The following CCDC106 variants were observed in gnomAD, a reference collection of about 807,000 sequenced individuals.
CCDC106 encodes the protein coiled-coil domain-containing protein 106.
Under a neutral mutation model 24.7 loss-of-function variants are expected in CCDC106, and 17 were observed. The observed-to-expected ratio is 0.69, with a 90% CI of 0.47 to 1.03. The LOEUF is 1.03. CCDC106 is among the 50% of genes least tolerant of loss of function. The pLI is 0.00. For missense variants in CCDC106, 337 were observed against 388.9 expected, an observed-to-expected ratio of 0.87 and a Z score of 1.12; for synonymous variants, 211 against 161.3, an observed-to-expected ratio of 1.31 and a Z score of -2.34.
At chr19:55,647,967 CT>C (rs928738005), upstream of CCDC106, 5 of 152,228 alleles carry the variant, frequency 3.3e-5, no homozygotes, top group African/African-American at 4.8e-5. Flanking sequence ...CCTGCCTGAG[CT>C]TCGGGGAGGG....
At position 55,648,782 on chromosome 19, in the gene CCDC106, T is replaced by G; in HGVS notation, c.-265T>G. On this transcript the variant is annotated 5_prime_UTR_variant, in exon 1 of 5. Transcript: ENST00000586790. ...GGAGCCCACGTCCCCAGCTCACTTC[T>G]CCCCCAGGACCTAGGCGGCTGGGCC... The G allele has an allele frequency of 1.8e-6, 1 of 560,646 alleles. No individual in the cohort carries two copies. Among genetic ancestry groups the G allele is most frequent in the Non-Finnish European group, 3.2e-6 (1 of 314,602 alleles). 34.7% of individuals were successfully genotyped at this position (560,646 alleles called of 1,614,324 possible).
intron 3 of CCDC106, 124 bp from the exon 4 acceptor site, chr19:55,651,159 T>A (rs1983233220): frequency 2.7e-6 from 2 of 754,126 alleles, no homozygotes; most frequent in African/African-American, 3.4e-5. Flanking sequence ...CTTGTCTCTC[T>A]GTCTCTTTAG....
rs1483048255 is a variant in CCDC106, at chr19:55,648,577, G to T, written c.-470G>T. 4 of 175,454 alleles carry T rather than the reference G, an allele frequency of 2.3e-5. No homozygotes were observed. The highest frequency in any genetic ancestry group is 2.2e-4 in the Admixed American group (4 of 18,032). The allele number at this position is 175,454 out of a possible 1,614,324, so 10.9% of individuals were successfully genotyped here. On this transcript the variant is annotated 5_prime_UTR_variant, in exon 1 of 5. Coordinates refer to ENST00000586790, the MANE Select transcript of CCDC106 (RefSeq NM_001370470.1). ...TAGAGGAGGCAGCGCGCACGGGCTG[G>T]ACCTCCTCCTACCCTGGGAAGTTGG...
rs1424783531 is a variant in CCDC106 at position 55,652,438 on chromosome 19, G to A, written c.535G>A (p.Ala179Thr). The change falls in exon 5 of 5, where the codon GCC (alanine) becomes ACC (threonine). Residue 179 changes from alanine (A) to threonine (T), a missense_variant. Coordinates refer to ENST00000586790, the MANE Select transcript of CCDC106 (RefSeq NM_001370470.1). This position sits in a 1 kb window ranked among gnomAD's most constrained non-coding sequence, Gnocchi z 5.9. ...KARERQRVKD[A>T]DGVLCRYKKI... Reference sequence around the variant, plus strand: ...CCGCCTCCACCCCTCAGTGAAGGACGCCGACGGGGTCCTCTGCCGGTACAA... The same window carrying A: ...CCGCCTCCACCCCTCAGTGAAGGACACCGACGGGGTCCTCTGCCGGTACAA... 5.0e-6 allele frequency: 8 copies of A among 1,594,746 alleles called. No individual in the cohort carries two copies. The East Asian group carries it at 1.6e-4, about 32-fold the overall frequency.
At position 55,653,050 on chromosome 19, in the gene CCDC106, C is replaced by G; in HGVS notation, c.*304C>G. On this transcript the variant is annotated 3_prime_UTR_variant, in exon 5 of 5. Coordinates refer to ENST00000586790, the MANE Select transcript of CCDC106 (RefSeq NM_001370470.1). ...GTACAGACCCCGTCTCCGCCCTGGC[C>G]CCGCGGAGGAGCTGCCCACCTGATT... is the stretch of plus-strand genomic sequence containing the variant. 1 of 333,592 alleles carries G rather than the reference C, an allele frequency of 3.0e-6. No individual in the cohort carries two copies. The allele number at this position is 333,592 out of a possible 1,614,324, so 20.7% of individuals were successfully genotyped here.
At chr19:55,649,748 C>T in intron 3 of CCDC106, 164 bp downstream of exon 3, 1 of 634,958 alleles carries the variant, frequency 1.6e-6, no homozygotes, top group East Asian at 2.7e-5. Context: ...CAGCTGCCTC[C>T]TCACTTGATT....
intron 3 of CCDC106, 93 bp from the exon 4 acceptor site, chr19:55,651,190 G>A: frequency 1.0e-6 from 1 of 970,852 alleles, no homozygotes; most frequent in East Asian, 2.4e-5. Context: ...CAGGTTGGGG[G>A]ATCCAGTTCG....
chr19:55,647,672 T>G (rs1411447207), upstream of CCDC106, among the ~76,000 whole-genome samples: 1 of 151,968 alleles, frequency 6.6e-6, no homozygotes, highest in Non-Finnish European at 1.5e-5. Flanking sequence ...GGGATGGGGG[T>G]GGCGTGTTCC....
chr19:55,649,167 G>A (rs1429164164), intron 1 of CCDC106, 38 bp from the exon 2 acceptor site: 1 of 1,610,158 alleles, frequency 6.2e-7, no homozygotes, highest in African/African-American at 1.3e-5. Context: ...AGAGGCCCGG[G>A]GAATTCTCTG....
At position 55,652,318 on chromosome 19, in the gene CCDC106, G is replaced by T. The variant is rs955678204; in HGVS notation, c.527-112G>T. ...TCTCCGTCTCCACCTGCACCGGCCC[G>T]TGCCTCTGCTCGCCGAGATCCTTTC... On this transcript the variant is annotated intron_variant, in intron 4 of 4. Transcript: ENST00000586790. The surrounding 1 kb of genome is among the most constrained non-coding windows in gnomAD (Gnocchi z 5.9). The T allele has an allele frequency of 7.8e-6, 7 of 895,218 alleles. No individual in the cohort carries two copies. The African/African-American group carries it at 1.0e-4, about 13-fold the overall frequency. The allele number at this position is 895,218 out of a possible 1,614,324, so 55.5% of individuals were successfully genotyped here.
At position 55,648,745 on chromosome 19, in the gene CCDC106, C is replaced by T; in HGVS notation, c.-302C>T. ...AATTTAGGGCTTCAGCTTCCTTTTCCTTCGATACCCAGGAGCCCACGTCCC... is the reference window on the plus strand; with the variant it reads ...AATTTAGGGCTTCAGCTTCCTTTTCTTTCGATACCCAGGAGCCCACGTCCC... On this transcript the variant is annotated 5_prime_UTR_variant, in exon 1 of 5. Transcript: ENST00000586790. The T allele has an allele frequency of 2.0e-6, 1 of 502,348 alleles. No individual in the cohort carries two copies. The allele number at this position is 502,348 out of a possible 1,614,324, so 31.1% of individuals were successfully genotyped here.
chr19:55,652,845 C>G lies in CCDC106; in HGVS notation c.*99C>G, dbSNP rs980491517. The G allele has an allele frequency of 9.3e-7, 1 of 1,074,718 alleles. No individual in the cohort carries two copies. The allele number at this position is 1,074,718 out of a possible 1,614,324, so 66.6% of individuals were successfully genotyped here. ...CCGCCGCGCCCCTGCCCCTCCTCCTCGCTCCCTGGGTTGGGGGCTCCCTTA... is the reference window on the plus strand; with the variant it reads ...CCGCCGCGCCCCTGCCCCTCCTCCTGGCTCCCTGGGTTGGGGGCTCCCTTA... On this transcript the variant is annotated 3_prime_UTR_variant, in exon 5 of 5. Transcript: ENST00000586790. This position sits in a 1 kb window ranked among gnomAD's most constrained non-coding sequence, Gnocchi z 5.9.
At position 55,651,277 on chromosome 19, in the gene CCDC106, C is replaced by T; in HGVS notation, c.314-6C>T. 1 of 1,606,700 alleles carries T rather than the reference C, an allele frequency of 6.2e-7. No homozygotes were observed. On this transcript the variant is annotated splice_region_variant and splice_polypyrimidine_tract_variant and intron_variant, in intron 3 of 4. Coordinates refer to ENST00000586790, the MANE Select transcript of CCDC106 (RefSeq NM_001370470.1). ...TTGGTTCATGTGTGTGTCTCCATCT[C>T]CCCAGAGGACCACTGCCGGATGAAG...
chr19:55,653,052 C>G lies in CCDC106; in HGVS notation c.*306C>G, dbSNP rs971843693. ...ACAGACCCCGTCTCCGCCCTGGCCC[C>G]GCGGAGGAGCTGCCCACCTGATTCC... is the stretch of plus-strand genomic sequence containing the variant. On this transcript the variant is annotated 3_prime_UTR_variant, in exon 5 of 5. Coordinates refer to ENST00000586790, the MANE Select transcript of CCDC106 (RefSeq NM_001370470.1). 6.2e-6 allele frequency: 2 copies of G among 323,342 alleles called. 1 individual carries two copies. The highest frequency in any genetic ancestry group is 1.1e-4 in the South Asian group (2 of 18,018). The allele number at this position is 323,342 out of a possible 1,614,324, so 20.0% of individuals were successfully genotyped here. A position where few individuals can be genotyped will look rare whatever the true frequency, so the allele number is the denominator to read the frequency against.
chr19:55,652,537 AC>A lies in CCDC106; in HGVS notation c.636del (p.Val213TrpfsTer3). On this transcript the variant is annotated frameshift_variant, in exon 5 of 5. Transcript: ENST00000586790. LOFTEE classifies it high-confidence loss of function. The surrounding 1 kb of genome is among the most constrained non-coding windows in gnomAD (Gnocchi z 5.9). ...CGAGCACCACCGCGTGGACAGGAAC[AC>A]CGTGGCGCTGACCACGCCCATCGCC... is the stretch of plus-strand genomic sequence containing the variant. ...AFEHHRVDRN[T>X]VALTTPIAEL... 6.2e-7 allele frequency: 1 copy of A among 1,613,612 alleles called. No individual in the cohort carries two copies. Among genetic ancestry groups the A allele is most frequent in the Non-Finnish European group, 8.5e-7 (1 of 1,179,966 alleles).
Position 55,648,597 on chromosome 19 carries a change from A to C in CCDC106, c.-450A>C. On this transcript the variant is annotated 5_prime_UTR_variant, in exon 1 of 5. Coordinates refer to ENST00000586790, the MANE Select transcript of CCDC106 (RefSeq NM_001370470.1). ...GGCTGGACCTCCTCCTACCCTGGGA[A>C]GTTGGGGCAGTTTCCCCCTGCACCT... 5.4e-6 allele frequency: 1 copy of C among 183,698 alleles called. No individual in the cohort carries two copies. Among genetic ancestry groups the C allele is most frequent in the Non-Finnish European group, 1.2e-5 (1 of 86,562 alleles). The allele number at this position is 183,698 out of a possible 1,614,324, so 11.4% of individuals were successfully genotyped here. A position where few individuals can be genotyped will look rare whatever the true frequency, so the allele number is the denominator to read the frequency against.
chr19:55,652,575 T>A lies in CCDC106; in HGVS notation c.672T>A (p.Ile224=). Residue 224 remains isoleucine (I), a synonymous_variant, in exon 5 of 5, where the codon ATT becomes ATA. Coordinates refer to ENST00000586790, the MANE Select transcript of CCDC106 (RefSeq NM_001370470.1). The surrounding 1 kb of genome is among the most constrained non-coding windows in gnomAD (Gnocchi z 5.9). ...CCACGCCCATCGCCGAGCTGCTCAT[T>A]GTGGCCCCCGAGAAGCTGGCCGAGG... ...ALTTPIAELL[I]VAPEKLAEVG... is the part of the protein sequence containing the mutation. 1 of 1,613,310 alleles carries A rather than the reference T, an allele frequency of 6.2e-7. No individual in the cohort carries two copies. The highest frequency in any genetic ancestry group is 8.5e-7 in the Non-Finnish European group (1 of 1,179,900).
intron 1 of CCDC106, 51 bp downstream of exon 1, chr19:55,649,128 C>G: frequency 1.9e-6 from 3 of 1,612,390 alleles, no homozygotes; most frequent in South Asian, 1.1e-5. Context: ...GCGGTCGGCT[C>G]CAGGCTGCCG....
chr19:55,648,771 C>T lies in CCDC106; in HGVS notation c.-276C>T, dbSNP rs770672302. On this transcript the variant is annotated 5_prime_UTR_variant, in exon 1 of 5. Transcript: ENST00000586790. ...TTCGATACCCAGGAGCCCACGTCCC[C>T]AGCTCACTTCTCCCCCAGGACCTAG... The T allele has an allele frequency of 3.3e-5, 18 of 550,604 alleles. No individual in the cohort carries two copies. Among genetic ancestry groups the T allele is most frequent in the Admixed American group, 6.6e-5 (2 of 30,360 alleles). 34.1% of individuals were successfully genotyped at this position (550,604 alleles called of 1,614,324 possible). A position where few individuals can be genotyped will look rare whatever the true frequency, so the allele number is the denominator to read the frequency against.
Sources: gnomAD v4.1 joint callset for allele counts (sites outside exome capture counted in the v4.1 genomes callset) on GRCh38, gnomAD v4.1.1 for gene constraint, Gnocchi (gnomAD v3.1) non-coding constraint, MANE v1.5 for transcripts, NCBI Gene and HGNC (gene_info 2026-07-23, HGNC 2026-07-21) for gene names.